The following RAD17 variants were observed in gnomAD, a reference collection of about 807,000 sequenced individuals.
RAD17 encodes the protein cell cycle checkpoint protein RAD17.
In RAD17, 31 loss-of-function variants were observed where a neutral mutation model predicts 81.5. The observed-to-expected ratio is 0.38, with a 90% CI of 0.29 to 0.51. The LOEUF (loss-of-function observed/expected upper bound fraction) is 0.51, where lower values mean the gene tolerates loss of function less well. Ranked by LOEUF, RAD17 falls within the 20% of genes least tolerant of loss-of-function variation. The pLI, the probability that RAD17 is intolerant of heterozygous loss-of-function variation, is 0.88. For missense variants in RAD17, 681 were observed against 781.2 expected (o/e 0.87, Z 1.53); for synonymous variants, 261 against 266.2 (o/e 0.98, Z 0.19).
At chr5:69,382,949 A>G (rs1476419696) in intron 7 of RAD17, among the ~76,000 whole-genome samples, 1 of 151,882 alleles carries the variant, frequency 6.6e-6, no homozygotes, top group Non-Finnish European at 1.5e-5. Context: ...ACACCCAGCT[A>G]GTTTTTGTAT....
At chr5:69,402,996 T>C (rs1306192937) in intron 17 of RAD17, among the ~76,000 whole-genome samples, 1 of 152,186 alleles carries the variant, frequency 6.6e-6, no homozygotes, top group African/African-American at 2.4e-5. Flanking sequence ...CCTAATAATA[T>C]CCTTTTTTAA....
intron 4 of RAD17, among the ~76,000 whole-genome samples, chr5:69,373,304 C>T (rs1320377632): frequency 6.6e-6 from 1 of 152,028 alleles, no homozygotes; most frequent in African/African-American, 2.4e-5. Flanking sequence ...AGTTTGTGTT[C>T]TTTACTCCTT....
chr5:69,369,681 T>C, upstream of RAD17: 1 of 1,554,822 alleles, frequency 6.4e-7, no homozygotes, highest in Non-Finnish European at 8.7e-7. Context: ...CACATTTCCG[T>C]CGCAAAGTTG....
At position 69,386,378 on chromosome 5, in the gene RAD17, T is replaced by G. The variant is rs1764213180; in HGVS notation, c.825-18T>G. The G allele has an allele frequency of 3.2e-6, 5 of 1,585,426 alleles. No homozygotes were observed. Among genetic ancestry groups the G allele is most frequent in the Non-Finnish European group, 4.3e-6 (5 of 1,170,554 alleles). ...TTAAATTAATCATTTAACTGCTATC[T>G]TTCTTTATAAAACTTAGTTTCAACC... On this transcript the variant is annotated intron_variant, in intron 10 of 18. Transcript: ENST00000354868.
In RAD17 at chr5:69,391,867, C is replaced by G; in HGVS notation, c.1043C>G (p.Ser348Cys). The G allele has an allele frequency of 1.3e-6, 2 of 1,573,280 alleles. No homozygotes were observed. The highest frequency in any genetic ancestry group is 1.7e-6 in the Non-Finnish European group (2 of 1,166,892). ...TTACGGCCAAGGAAAAAAGGAATGT[C>G]TTTAAAATCAGATGCTGTGCTGTCA... is the stretch of plus-strand genomic sequence containing the variant. The part of the protein sequence containing the change: ...NNLRPRKKGM[S>C]LKSDAVLSKS... The change falls in exon 13 of 19, where the codon TCT (serine) becomes TGT (cysteine). Residue 348 changes from serine to cysteine, a missense_variant. Transcript: ENST00000354868.
At position 69,373,871 on chromosome 5, in the gene RAD17, G is replaced by A; in HGVS notation, c.51G>A (p.Glu17=). 6.2e-7 allele frequency: 1 copy of A among 1,609,862 alleles called. No homozygotes were observed. Residue 17 remains glutamate (E), a synonymous_variant, in exon 5 of 19, where the codon GAG becomes GAA. Coordinates refer to ENST00000354868, the MANE Select transcript of RAD17 (RefSeq NM_133338.3). Reference sequence around the variant, plus strand: ...ACCCATCATTTGATGATTTTCTAGAGTGTAGTGGCGTCTCTACTATTACTG... The same window carrying A: ...ACCCATCATTTGATGATTTTCTAGAATGTAGTGGCGTCTCTACTATTACTG... ...WVDPSFDDFL[E]CSGVSTITAT...
intron 17 of RAD17, among the ~76,000 whole-genome samples, chr5:69,406,187 A>G (rs1420183325): frequency 6.6e-6 from 1 of 152,220 alleles, no homozygotes; most frequent in Non-Finnish European, 1.5e-5. Context: ...GTATATATAC[A>G]CAGTGGAATA....
intron 13 of RAD17, among the ~76,000 whole-genome samples, chr5:69,392,420 G>C (rs1289046248): frequency 6.6e-6 from 1 of 152,152 alleles, no homozygotes; most frequent in Non-Finnish European, 1.5e-5. Flanking sequence ...TAATTTACAA[G>C]CGTTCTGTCT....
rs753609391 is a variant in RAD17 at position 69,384,821 on chromosome 5, A to G, written c.533A>G (p.Tyr178Cys). ...GAATCAAGCTTCCATATGTTTCCCTATCAGTCTCAGATAGCAGTTTTCAAA... is the reference window on the plus strand; with the variant it reads ...GAATCAAGCTTCCATATGTTTCCCTGTCAGTCTCAGATAGCAGTTTTCAAA... ...NTESSFHMFP[Y>C]QSQIAVFKEF... Residue 178 changes from tyrosine to cysteine, a missense_variant, in exon 8 of 19, where the codon TAT becomes TGT. Coordinates refer to ENST00000354868, the MANE Select transcript of RAD17 (RefSeq NM_133338.3). 4.4e-6 allele frequency: 7 copies of G among 1,608,410 alleles called. No individual in the cohort carries two copies. Among genetic ancestry groups the G allele is most frequent in the South Asian group, 3.4e-5 (3 of 89,544 alleles).
At chr5:69,410,965 C>CCATATA (rs1554044687) in intron 18 of RAD17, among the ~76,000 whole-genome samples, 6,397 of 90,176 alleles carry the variant, frequency 0.071, 565 homozygotes, top group Non-Finnish European at 0.092. Context: ...AGATGTCTGT[C>CCATATA]TATATATATA....
intron 17 of RAD17, among the ~76,000 whole-genome samples, chr5:69,408,506 C>CT (rs913594965): frequency 0.015 from 1,299 of 88,398 alleles, 29 homozygotes; most frequent in East Asian, 0.03. Context: ...ACCCTAATTA[C>CT]TTTTTTTTTT....
chr5:69,406,999 A>ATT (rs66894670), intron 17 of RAD17, among the ~76,000 whole-genome samples: 24 of 82,670 alleles, frequency 2.9e-4, no homozygotes, highest in African/African-American at 8.2e-4. Context: ...TTTGTAGTAG[A>ATT]TTTTTTTTTT....
chr5:69,402,515 C>A (rs553175059), intron 17 of RAD17, among the ~76,000 whole-genome samples: 1 of 152,036 alleles, frequency 6.6e-6, no homozygotes, highest in East Asian at 2.0e-4. Flanking sequence ...ATCAGCCGGG[C>A]ACGGTGGCAG....
chr5:69,369,760 C>T (rs1205143315), upstream of RAD17: 8 of 1,479,322 alleles, frequency 5.4e-6, no homozygotes, highest in African/African-American at 1.4e-5. Flanking sequence ...TCACACACTC[C>T]TTCGGTGGTC....
rs1229113899 is a variant in RAD17 at position 69,403,763 on chromosome 5, A to T, written c.1693+3594A>T. 2.0e-5 allele frequency among the ~76,000 whole-genome samples: 3 copies of T among 152,192 alleles called. No homozygotes were observed. The East Asian group carries it at 5.8e-4, about 29-fold the overall frequency. ...GGTGATACCTTGTCTCTACAAAAAA[A>T]TTTAAAAATTAGCTGGGTGTTGTGG... is the stretch of plus-strand genomic sequence containing the variant. On this transcript the variant is annotated intron_variant, in intron 17 of 18. Coordinates refer to ENST00000354868, the MANE Select transcript of RAD17 (RefSeq NM_133338.3).
At chr5:69,398,831 T>C (rs1266698966) in intron 16 of RAD17, among the ~76,000 whole-genome samples, 1 of 132,038 alleles carries the variant, frequency 7.6e-6, no homozygotes, top group Non-Finnish European at 1.6e-5. Flanking sequence ...AAGTTAGATA[T>C]GAATTTCTAG....
chr5:69,413,597 C>T lies in RAD17; in HGVS notation c.1752-434C>T, dbSNP rs146185762. 5.6e-4 allele frequency among the ~76,000 whole-genome samples: 85 copies of T among 152,262 alleles called. No individual in the cohort carries two copies. The East Asian group carries it at 0.015, about 27-fold the overall frequency. Reference sequence around the variant, plus strand: ...TCGTACAGGCTGGAGTTCAGTGGCACGAGCTTGGCTCACTGCAGCTTCTGC... The same window carrying T: ...TCGTACAGGCTGGAGTTCAGTGGCATGAGCTTGGCTCACTGCAGCTTCTGC... On this transcript the variant is annotated intron_variant, in intron 18 of 18. Coordinates refer to ENST00000354868, the MANE Select transcript of RAD17 (RefSeq NM_133338.3).
rs1763876681 is a variant in RAD17 at position 69,381,802 on chromosome 5, T to C, written c.352-99T>C. On this transcript the variant is annotated intron_variant, in intron 6 of 18. Transcript: ENST00000354868. Reference sequence around the variant, plus strand: ...GTGCTTATATGAGACATTCAGCAAATATTTATAGAAGTAAATATATTTAGA... The same window carrying C: ...GTGCTTATATGAGACATTCAGCAAACATTTATAGAAGTAAATATATTTAGA... 2.0e-5 allele frequency: 17 copies of C among 868,142 alleles called. No individual in the cohort carries two copies. The South Asian group carries it at 3.5e-4, about 18-fold the overall frequency. 53.8% of individuals were successfully genotyped at this position (868,142 alleles called of 1,614,324 possible).
At chr5:69,392,644 G>C (rs1764617315) in intron 13 of RAD17, 1 of 227,402 alleles carries the variant, frequency 4.4e-6, no homozygotes. Flanking sequence ...TCACTTAGGT[G>C]GCAGTGAGGA....
Sources: allele counts gnomAD v4.1 joint callset (sites outside exome capture counted in the v4.1 genomes callset), GRCh38; gene constraint gnomAD v4.1.1; transcripts MANE v1.5; gene names NCBI Gene and HGNC (gene_info 2026-07-23, HGNC 2026-07-21).